BICD1: variants seen among roughly 807,000 people sequenced by gnomAD.
BICD1 encodes BICD cargo adaptor 1.
In BICD1, 35 loss-of-function variants were observed where a neutral mutation model predicts 92.5. The ratio of observed to expected loss-of-function variants is 0.38; its 90% confidence interval spans 0.29 to 0.50. The LOEUF (loss-of-function observed/expected upper bound fraction) is 0.50. Among genes scored for constraint, BICD1 ranks in the 20% least tolerant of loss-of-function variants. The pLI, the probability that BICD1 is intolerant of heterozygous loss-of-function variation, is 0.93. For synonymous variants in BICD1, 429 were observed against 465.1 expected, an observed-to-expected ratio of 0.92 and a Z score of 1.00; for missense variants, 950 against 1,189.8, an observed-to-expected ratio of 0.80 and a Z score of 2.97.
chr12:32,158,187 C>T (rs1943499282), intron 1 of BICD1, among the ~76,000 whole-genome samples: 2 of 149,466 alleles, frequency 1.3e-5, no homozygotes, highest in South Asian at 4.3e-4. Context: ...CTCGCTGCAA[C>T]CTCCGCCTCC....
chr12:32,365,668 T>C (rs1939502807), intron 8 of BICD1, among the ~76,000 whole-genome samples: 1 of 152,206 alleles, frequency 6.6e-6, no homozygotes, highest in Non-Finnish European at 1.5e-5. Context: ...CACACCTGGT[T>C]GACTTAACTG....
At chr12:32,296,247 T>TTTG (rs1947866013) in intron 3 of BICD1, among the ~76,000 whole-genome samples, 5 of 30,746 alleles carry the variant, frequency 1.6e-4, no homozygotes, top group African/African-American at 6.2e-4. Context: ...TAAGAAGGGG[T>TTTG]TTTTTTTTGT....
intron 1 of BICD1, among the ~76,000 whole-genome samples, chr12:32,191,692 C>CAT (rs943058860): frequency 6.5e-5 from 9 of 138,442 alleles, no homozygotes; most frequent in African/African-American, 2.4e-4. Flanking sequence ...ATATATAATA[C>CAT]ATATATATTA....
chr12:32,166,389 G>A (rs1385038451), intron 1 of BICD1, among the ~76,000 whole-genome samples: 1 of 151,988 alleles, frequency 6.6e-6, no homozygotes, highest in African/African-American at 2.4e-5. Flanking sequence ...ACCTGCCTCC[G>A]CCACCCAAAG....
At chr12:32,274,304 A>G (rs2136153242) in intron 2 of BICD1, among the ~76,000 whole-genome samples, 1 of 152,300 alleles carries the variant, frequency 6.6e-6, no homozygotes. Flanking sequence ...AGAACATCAG[A>G]ACTGAAATTC....
At chr12:32,261,603 T>G (rs1285579780) in intron 2 of BICD1, among the ~76,000 whole-genome samples, 1 of 152,252 alleles carries the variant, frequency 6.6e-6, no homozygotes, top group Non-Finnish European at 1.5e-5. Flanking sequence ...TTTCATGGAA[T>G]TCAGTGAATT....
chr12:32,261,909 G>A (rs1946868293), intron 2 of BICD1, among the ~76,000 whole-genome samples: 1 of 152,194 alleles, frequency 6.6e-6, no homozygotes, highest in Non-Finnish European at 1.5e-5. Context: ...CCATGTTTGT[G>A]AGTCCAGGAA....
intron 1 of BICD1, among the ~76,000 whole-genome samples, chr12:32,148,593 C>A (rs186687864): frequency 1.1e-4 from 16 of 152,280 alleles, no homozygotes; most frequent in African/African-American, 3.6e-4. Flanking sequence ...GTCAAATTCA[C>A]CAAGTTATGC....
In BICD1 at chr12:32,305,900, C is replaced by A. The variant is rs1948200225; in HGVS notation, c.783C>A (p.Asn261Lys). ...ELSQYISLND[N>K]HISISVDGLK... The stretch of plus-strand genomic sequence containing the variant: ...CCCAGTATATCAGCCTCAATGATAA[C>A]CATATCAGCATCTCAGTAGATGGAC... Residue 261 changes from asparagine (N) to lysine (K), a missense_variant, in exon 4 of 10, where the codon AAC becomes AAA. Asn to Lys is a moderately conservative substitution (Grantham distance 94). Around this residue, in one of 5 missense-constraint regions of BICD1, gnomAD observed 246 missense variants for 258.4 expected, o/e 0.95. Transcript: ENST00000652176. The A allele has an allele frequency of 1.9e-6, 3 of 1,614,010 alleles. No homozygotes were observed. The highest frequency in any genetic ancestry group is 2.5e-6 in the Non-Finnish European group (3 of 1,180,032).
At chr12:32,278,080 G>T (rs946086073) in intron 2 of BICD1, among the ~76,000 whole-genome samples, 1 of 152,126 alleles carries the variant, frequency 6.6e-6, no homozygotes, top group African/African-American at 2.4e-5. Context: ...CAGGTCACAG[G>T]TAAGTCTATG....
At chr12:32,348,404 G>A (rs537409460) in intron 8 of BICD1, among the ~76,000 whole-genome samples, 3 of 151,982 alleles carry the variant, frequency 2.0e-5, no homozygotes, top group Non-Finnish European at 4.4e-5. Context: ...GAAATTGAAA[G>A]TTCCTTATTT....
At chr12:32,211,848 G>A (rs1945225771) in intron 1 of BICD1, among the ~76,000 whole-genome samples, 2 of 152,214 alleles carry the variant, frequency 1.3e-5, no homozygotes, top group African/African-American at 4.8e-5. Context: ...GGGAGAGGGA[G>A]AGAGGCTGTC....
At chr12:32,340,611 ACT>A in intron 8 of BICD1, 1 of 717,038 alleles carries the variant, frequency 1.4e-6, no homozygotes, top group Non-Finnish European at 1.7e-6. Context: ...AACAACAATA[ACT>A]GTTTTCATTT....
intron 1 of BICD1, among the ~76,000 whole-genome samples, chr12:32,121,144 A>G (rs909173344): frequency 1.3e-5 from 2 of 151,620 alleles, no homozygotes; most frequent in Non-Finnish European, 2.9e-5. Flanking sequence ...AAGTTTTTGT[A>G]TCTTTAGTAG....
chr12:32,173,044 A>AT (rs1943991425), intron 1 of BICD1, among the ~76,000 whole-genome samples: 2 of 140,082 alleles, frequency 1.4e-5, no homozygotes, highest in East Asian at 4.5e-4. Flanking sequence ...GCAGAGGCAG[A>AT]GTTTTTTTTT....
chr12:32,229,257 A>G (rs1173302977), intron 2 of BICD1, among the ~76,000 whole-genome samples: 1 of 152,174 alleles, frequency 6.6e-6, no homozygotes, highest in Non-Finnish European at 1.5e-5. Context: ...TCTCAAAACA[A>G]AAACAAAAAC....
At chr12:32,294,392 A>G (rs903611410) in intron 3 of BICD1, among the ~76,000 whole-genome samples, 2 of 152,216 alleles carry the variant, frequency 1.3e-5, no homozygotes, top group Non-Finnish European at 2.9e-5. Flanking sequence ...TTTTTATTTT[A>G]GCTCTGTGTT....
chr12:32,126,067 A>AAT lies in BICD1; in HGVS notation c.213+18524_213+18525insTA, dbSNP rs1555129041. On this transcript the variant is annotated intron_variant, in intron 1 of 9. Transcript: ENST00000652176. ...CCATCTCAAAAAAAAAAAAAAAAAA[A>AAT]AAGCAGTGCATCAAATCTGACTTTT... 6.3e-4 allele frequency among the ~76,000 whole-genome samples: 94 copies of AAT among 148,982 alleles called. 2 individuals carry two copies. The highest frequency in any genetic ancestry group is 2.7e-3 in the Admixed American group (40 of 14,592).
rs374473454 is a variant in BICD1, at chr12:32,199,185, T to C, written c.214-17062T>C. 8.5e-5 allele frequency among the ~76,000 whole-genome samples: 13 copies of C among 152,308 alleles called. 1 individual carries two copies. Among genetic ancestry groups the C allele is most frequent in the South Asian group, 8.3e-4 (4 of 4,824 alleles). On this transcript the variant is annotated intron_variant, in intron 1 of 9. Transcript: ENST00000652176. ...GGCAAAAAAAGATATTGAAGATAAT[T>C]AGAGTTGAAAAATTATATAAGACAT...
Sources: gnomAD v4.1 joint callset for allele counts (sites outside exome capture counted in the v4.1 genomes callset) on GRCh38, gnomAD v4.1.1 for gene constraint, gnomAD v4.1.1 regional missense constraint, MANE v1.5 for transcripts, NCBI Gene and HGNC (gene_info 2026-07-23, HGNC 2026-07-21) for gene names.